Variants in TAF1B observed in about 807,000 individuals in gnomAD.
The protein encoded by TAF1B is TATA box-binding protein-associated factor RNA polymerase I subunit B.
TAF1B carries 61 observed loss-of-function variants against 83.9 expected under a neutral mutation model. That is an observed-to-expected ratio of 0.73 (90% CI 0.59 to 0.90). The LOEUF is 0.90. Ranked by LOEUF, TAF1B falls within the 40% of genes least tolerant of loss-of-function variation. TAF1B has a pLI of 0.00. For synonymous variants in TAF1B, 221 were observed against 224.6 expected, an observed-to-expected ratio of 0.98 and a Z score of 0.14; for missense variants, 625 against 677.0, an observed-to-expected ratio of 0.92 and a Z score of 0.85.
intron 5 of TAF1B, among the ~76,000 whole-genome samples, chr2:9,866,462 A>G (rs1342439570): frequency 6.6e-6 from 1 of 151,950 alleles, no homozygotes; most frequent in Non-Finnish European, 1.5e-5. Flanking sequence ...ATGTGGAGAA[A>G]TAGGAACACT....
Position 9,851,615 on chromosome 2 carries a change from C to T in TAF1B, c.280C>T (p.Leu94Phe). Residue 94 changes from leucine to phenylalanine, a missense_variant, in exon 4 of 15, where the codon CTT (leucine) becomes TTT (phenylalanine). Transcript: ENST00000263663. ...TCAACAAGCAGAAGCCTTAAAGAAC[C>T]TTGGAGTAGGCCCAGAGTTAAAGGT... Reference protein sequence around the residue: ...LYQQAEALKNLGVGPELKNDV... With the variant: ...LYQQAEALKNFGVGPELKNDV... 1 of 1,612,112 alleles carries T rather than the reference C, an allele frequency of 6.2e-7. No individual in the cohort carries two copies. The highest frequency in any genetic ancestry group is 8.5e-7 in the Non-Finnish European group (1 of 1,179,422).
chr2:9,882,922 C>A, intron 8 of TAF1B, 117 bp downstream of exon 8: 1 of 646,110 alleles, frequency 1.5e-6, no homozygotes, highest in Non-Finnish European at 2.6e-6. Flanking sequence ...CAATATGGAA[C>A]ATCAGTCATA....
intron 5 of TAF1B, among the ~76,000 whole-genome samples, chr2:9,857,815 C>T (rs555484723): frequency 1.3e-5 from 2 of 152,242 alleles, no homozygotes; most frequent in South Asian, 2.1e-4. Flanking sequence ...AGAACTCCCT[C>T]GCTATCATGA....
intron 8 of TAF1B, 89 bp downstream of exon 8, chr2:9,882,894 G>A (rs1351459289): frequency 3.4e-6 from 3 of 884,256 alleles, no homozygotes; most frequent in Non-Finnish European, 1.7e-6. Flanking sequence ...TTATTATTTG[G>A]TGTTTTGTGT....
At chr2:9,856,250 G>T (rs1264659003) in intron 5 of TAF1B, among the ~76,000 whole-genome samples, 1 of 151,876 alleles carries the variant, frequency 6.6e-6, no homozygotes, top group Non-Finnish European at 1.5e-5. Flanking sequence ...GGATAGTGAT[G>T]GTTAAATGTT....
intron 6 of TAF1B, among the ~76,000 whole-genome samples, chr2:9,874,898 ATCCTT>A (rs1217253081): frequency 2.0e-5 from 3 of 152,132 alleles, no homozygotes; most frequent in African/African-American, 2.4e-5. Context: ...GTAATTGTGT[ATCCTT>A]TCCTTTATTT....
At chr2:9,847,220 G>A (rs1177119489) in intron 2 of TAF1B, among the ~76,000 whole-genome samples, 2 of 152,206 alleles carry the variant, frequency 1.3e-5, no homozygotes, top group Admixed American at 6.5e-5. Context: ...AGAATGTAGA[G>A]TTCATGAAGG....
At chr2:9,910,682 A>G (rs1377147489) in intron 9 of TAF1B, 54 bp from the exon 10 acceptor site, 5 of 1,511,622 alleles carry the variant, frequency 3.3e-6, no homozygotes, top group African/African-American at 1.4e-5. Context: ...GGATATATAC[A>G]TTGGGGATGG....
chr2:9,888,726 C>T (rs1056231047), intron 8 of TAF1B, among the ~76,000 whole-genome samples: 1 of 145,838 alleles, frequency 6.9e-6, no homozygotes, highest in African/African-American at 2.6e-5. Flanking sequence ...CTCTTTATCA[C>T]TGGATCTCAC....
chr2:9,926,882 T>TA (rs555679552), intron 14 of TAF1B, among the ~76,000 whole-genome samples: 13 of 151,980 alleles, frequency 8.6e-5, no homozygotes, highest in South Asian at 2.1e-4. Flanking sequence ...AACTTTTTTT[T>TA]TATATATATA....
chr2:9,897,012 C>G (rs1483066380), intron 8 of TAF1B, among the ~76,000 whole-genome samples: 1 of 152,188 alleles, frequency 6.6e-6, no homozygotes, highest in East Asian at 1.9e-4. Flanking sequence ...CCCTCTTCTC[C>G]TTTTTCTGCC....
chr2:9,862,745 C>G (rs991181975), intron 5 of TAF1B, among the ~76,000 whole-genome samples: 1 of 152,212 alleles, frequency 6.6e-6, no homozygotes, highest in Admixed American at 6.5e-5. Context: ...TAGCTGATCT[C>G]TCGGCAGAAA....
At chr2:9,892,644 T>C (rs1314809281) in intron 8 of TAF1B, among the ~76,000 whole-genome samples, 1 of 152,222 alleles carries the variant, frequency 6.6e-6, no homozygotes, top group African/African-American at 2.4e-5. Context: ...TAGTTTCCCA[T>C]TCTATATCAG....
At chr2:9,878,471 A>G (rs2125152558) in intron 7 of TAF1B, among the ~76,000 whole-genome samples, 1 of 152,274 alleles carries the variant, frequency 6.6e-6, no homozygotes, top group African/African-American at 2.4e-5. Context: ...TTAAGGGAGT[A>G]TGTTATTAGC....
At chr2:9,920,497 A>T (rs1665841011) in intron 14 of TAF1B, among the ~76,000 whole-genome samples, 1 of 147,000 alleles carries the variant, frequency 6.8e-6, no homozygotes, top group Non-Finnish European at 1.5e-5. Context: ...GTTTAGATTC[A>T]GGTTCTGCAT....
chr2:9,887,716 A>G lies in TAF1B; in HGVS notation c.807+4911A>G, dbSNP rs144110771. Among the ~76,000 whole-genome samples, 45 of 152,158 alleles carry G rather than the reference A, an allele frequency of 3.0e-4. 2 individuals carry two copies. The East Asian group carries it at 8.7e-3, about 29-fold the overall frequency. On this transcript the variant is annotated intron_variant, in intron 8 of 14. Transcript: ENST00000263663. ...GCCTTTTAATTCGTGTGTTTAAGCC[A>G]TTTACATTTGACATAATTATCAGTA...
At chr2:9,926,712 G>A (rs1362196707) in intron 14 of TAF1B, among the ~76,000 whole-genome samples, 2 of 151,006 alleles carry the variant, frequency 1.3e-5, no homozygotes, top group African/African-American at 4.9e-5. Context: ...GGTGGTGCAT[G>A]CCTGTAGTCC....
At chr2:9,871,479 C>G (rs1271385896) in intron 6 of TAF1B, among the ~76,000 whole-genome samples, 1 of 152,120 alleles carries the variant, frequency 6.6e-6, no homozygotes, top group Non-Finnish European at 1.5e-5. Flanking sequence ...GGATTACCCT[C>G]TCATTTTTGT....
At chr2:9,910,653 A>T in intron 9 of TAF1B, 83 bp from the exon 10 acceptor site, 2 of 1,251,432 alleles carry the variant, frequency 1.6e-6, no homozygotes, top group Non-Finnish European at 2.2e-6. Context: ...GTCGTGTTTT[A>T]AGATAAAGGT....
Sources: gnomAD v4.1 joint callset for allele counts (sites outside exome capture counted in the v4.1 genomes callset) on GRCh38, gnomAD v4.1.1 for gene constraint, MANE v1.5 for transcripts, NCBI Gene and HGNC (gene_info 2026-07-23, HGNC 2026-07-21) for gene names.